The following ARB2A variants were observed in gnomAD, a reference collection of about 807,000 sequenced individuals.
The protein encoded by ARB2A is cotranscriptional regulator ARB2A.
the ARB2A span, among the ~76,000 whole-genome samples, chr5:93,633,806 C>A: frequency 6.6e-6 from 1 of 152,040 alleles, no homozygotes; most frequent in Non-Finnish European, 1.5e-5. Flanking sequence ...GACAAATCTA[C>A]CCTGTCTATA....
At chr5:94,082,026 C>T in the ARB2A span, among the ~76,000 whole-genome samples, 1 of 152,120 alleles carries the variant, frequency 6.6e-6, no homozygotes, top group East Asian at 1.9e-4. Flanking sequence ...ATTGTCTAGG[C>T]ATACTCTAGC....
the ARB2A span, among the ~76,000 whole-genome samples, chr5:93,986,404 G>A: frequency 6.6e-6 from 1 of 151,302 alleles, no homozygotes; most frequent in Non-Finnish European, 1.5e-5. Context: ...TCTGGGAGGT[G>A]GGGGGCGCCT....
the ARB2A span, among the ~76,000 whole-genome samples, chr5:93,664,129 G>A: frequency 6.6e-6 from 1 of 151,764 alleles, no homozygotes; most frequent in Non-Finnish European, 1.5e-5. Context: ...GGGCGGGGGT[G>A]GGGGGCAGTG....
chr5:93,938,841 CTTCT>C, the ARB2A span, among the ~76,000 whole-genome samples: 11 of 152,262 alleles, frequency 7.2e-5, no homozygotes, highest in East Asian at 1.9e-3. Flanking sequence ...AAGTATTTGA[CTTCT>C]TTAAGTTTTG....
the ARB2A span, among the ~76,000 whole-genome samples, chr5:93,918,377 T>C: frequency 5.3e-5 from 8 of 152,156 alleles, no homozygotes; most frequent in South Asian, 2.1e-4. Context: ...TAACTTAACT[T>C]TACATTCATA....
chr5:93,788,567 A>T, the ARB2A span, among the ~76,000 whole-genome samples: 4 of 152,208 alleles, frequency 2.6e-5, no homozygotes, highest in Non-Finnish European at 4.4e-5. Flanking sequence ...CATCCTAAGC[A>T]TTCTTCAATT....
At chr5:94,036,503 C>G in the ARB2A span, among the ~76,000 whole-genome samples, 2 of 152,136 alleles carry the variant, frequency 1.3e-5, no homozygotes, top group African/African-American at 2.4e-5. Context: ...ACACTCCCAC[C>G]AGCAAGATAT....
chr5:94,050,064 C>G, the ARB2A span, among the ~76,000 whole-genome samples: 1 of 151,834 alleles, frequency 6.6e-6, no homozygotes, highest in Non-Finnish European at 1.5e-5. Flanking sequence ...CTCAGCCTCC[C>G]AAGTAACTAG....
the ARB2A span, among the ~76,000 whole-genome samples, chr5:94,083,346 G>A: frequency 6.6e-6 from 1 of 152,034 alleles, no homozygotes; most frequent in Non-Finnish European, 1.5e-5. Flanking sequence ...CTCCTATGTA[G>A]TAAACCCTAG....
At chr5:93,740,605 G>A in the ARB2A span, 6 of 1,599,526 alleles carry the variant, frequency 3.8e-6, no homozygotes, top group Admixed American at 1.7e-5. Context: ...CAGAGTGGTG[G>A]CTGGGGCAGA....
the ARB2A span, among the ~76,000 whole-genome samples, chr5:93,927,001 G>A: frequency 6.7e-6 from 1 of 149,968 alleles, no homozygotes; most frequent in African/African-American, 2.5e-5. Flanking sequence ...AGAGAAAAAG[G>A]CTCATCCCAA....
chr5:93,969,302 ACT>A, the ARB2A span, among the ~76,000 whole-genome samples: 2 of 152,010 alleles, frequency 1.3e-5, no homozygotes, highest in Non-Finnish European at 1.5e-5. Flanking sequence ...AACTGATTAT[ACT>A]CTGTTATAAG....
the ARB2A span, among the ~76,000 whole-genome samples, chr5:93,873,492 G>C: frequency 1.3e-5 from 2 of 152,064 alleles, no homozygotes; most frequent in African/African-American, 4.8e-5. Flanking sequence ...AAAATCTACT[G>C]TGTTTACTAG....
At chr5:93,833,027 A>G in the ARB2A span, among the ~76,000 whole-genome samples, 1 of 152,184 alleles carries the variant, frequency 6.6e-6, no homozygotes, top group Non-Finnish European at 1.5e-5. Context: ...GTTTAAAACA[A>G]CTGCAAAATA....
At chr5:94,077,932 G>C in the ARB2A span, among the ~76,000 whole-genome samples, 4 of 152,284 alleles carry the variant, frequency 2.6e-5, no homozygotes, top group East Asian at 7.7e-4. Context: ...GATTCCAACA[G>C]AGAATCTACT....
At chr5:93,996,593 C>G in the ARB2A span, among the ~76,000 whole-genome samples, 5 of 152,072 alleles carry the variant, frequency 3.3e-5, no homozygotes, top group African/African-American at 1.2e-4. Context: ...TTCAGGGCAA[C>G]TACTTAAATT....
At chr5:94,090,129 A>C in the ARB2A span, among the ~76,000 whole-genome samples, 1 of 152,160 alleles carries the variant, frequency 6.6e-6, no homozygotes, top group Admixed American at 6.5e-5. Context: ...CTTAAAAATG[A>C]ATCAATATTG....
chr5:93,788,359 C>T, the ARB2A span, among the ~76,000 whole-genome samples: 5 of 152,188 alleles, frequency 3.3e-5, no homozygotes, highest in South Asian at 6.2e-4. Context: ...GCGGGAGGGC[C>T]GGAGGCAGCA....
At chr5:94,103,644 A>G in the ARB2A span, among the ~76,000 whole-genome samples, 2 of 152,032 alleles carry the variant, frequency 1.3e-5, no homozygotes, top group Non-Finnish European at 2.9e-5. Context: ...GATATTCAGG[A>G]CCTAAACTTG....
Sources: gnomAD v4.1 joint callset for allele counts (sites outside exome capture counted in the v4.1 genomes callset) on GRCh38, gnomAD v4.1.1 for gene constraint, MANE v1.5 for transcripts, NCBI Gene and HGNC (gene_info 2026-07-23, HGNC 2026-07-21) for gene names.